Variants in CLEC9A observed in about 807,000 individuals in gnomAD.
CLEC9A encodes C-type lectin domain family 9 member A.
A neutral mutation model predicts 30.0 loss-of-function variants in CLEC9A; 24 were observed. That is an observed-to-expected ratio of 0.80 (90% CI 0.58 to 1.13). The LOEUF (loss-of-function observed/expected upper bound fraction) is 1.13, where lower values mean the gene tolerates loss of function less well. Among genes scored for constraint, CLEC9A ranks in the 50% most tolerant of loss-of-function variants. The pLI, the probability that CLEC9A is intolerant of heterozygous loss-of-function variation, is 0.00. For missense variants in CLEC9A, 251 were observed against 280.9 expected, an observed-to-expected ratio of 0.89 and a Z score of 0.76; for synonymous variants, 111 against 96.8, an observed-to-expected ratio of 1.15 and a Z score of -0.86.
Position 10,065,741 on chromosome 12 carries a change from C to T in CLEC9A, c.*109C>T. ...ACAGAACAGTAAACCAAAATGTGGG[C>T]CATGAAATTAGCAACCTGGGACTCA... On this transcript the variant is annotated 3_prime_UTR_variant, in exon 9 of 9. Coordinates refer to ENST00000355819, the MANE Select transcript of CLEC9A (RefSeq NM_207345.4). 8.0e-7 allele frequency: 1 copy of T among 1,246,284 alleles called. No individual in the cohort carries two copies. Among genetic ancestry groups the T allele is most frequent in the East Asian group, 2.4e-5 (1 of 40,992 alleles). 77.2% of individuals were successfully genotyped at this position (1,246,284 alleles called of 1,614,324 possible). A position where few individuals can be genotyped will look rare whatever the true frequency, so the allele number is the denominator to read the frequency against.
intron 5 of CLEC9A, among the ~76,000 whole-genome samples, chr12:10,057,066 T>G (rs1865950033): frequency 6.6e-6 from 1 of 152,044 alleles, no homozygotes; most frequent in Admixed American, 6.5e-5. Flanking sequence ...ACTTAAGGCT[T>G]TAAAAAAATA....
intron 2 of CLEC9A, chr12:10,045,352 C>G (rs1182071404): frequency 6.5e-6 from 1 of 153,534 alleles, no homozygotes. Context: ...AGCTACTCAA[C>G]AATGAGAAAC....
At chr12:10,040,697 G>A (rs561651170) in intron 1 of CLEC9A, among the ~76,000 whole-genome samples, 2 of 152,024 alleles carry the variant, frequency 1.3e-5, no homozygotes, top group Admixed American at 6.5e-5. Flanking sequence ...TGATCCGCCC[G>A]CCTCAGCCTC....
At chr12:10,059,848 A>G (rs1023429535) in intron 5 of CLEC9A, among the ~76,000 whole-genome samples, 4 of 152,234 alleles carry the variant, frequency 2.6e-5, no homozygotes. Context: ...AGAACTCTCT[A>G]GTTAGTAAAA....
chr12:10,034,513 C>G (rs1006323194), intron 1 of CLEC9A, among the ~76,000 whole-genome samples: 1 of 152,178 alleles, frequency 6.6e-6, no homozygotes, highest in Non-Finnish European at 1.5e-5. Context: ...TTGGTCTTTG[C>G]TTTCTATGTT....
chr12:10,065,695 C>G lies in CLEC9A; in HGVS notation c.*63C>G. The G allele has an allele frequency of 6.5e-7, 1 of 1,527,080 alleles. No individual in the cohort carries two copies. 94.6% of individuals were successfully genotyped at this position (1,527,080 alleles called of 1,614,324 possible). On this transcript the variant is annotated 3_prime_UTR_variant, in exon 9 of 9. Transcript: ENST00000355819. Reference sequence around the variant, plus strand: ...TTGGAGCATGCCATTGGAAAACCCACCCCCACCCCCCCTCAAAAAAACAGA... The same window carrying G: ...TTGGAGCATGCCATTGGAAAACCCAGCCCCACCCCCCCTCAAAAAAACAGA...
chr12:10,045,296 C>T (rs1439367101), intron 2 of CLEC9A, among the ~76,000 whole-genome samples: 1 of 152,186 alleles, frequency 6.6e-6, no homozygotes, highest in Non-Finnish European at 1.5e-5. Flanking sequence ...GAAACTGCTA[C>T]TGAGCTTTTC....
chr12:10,034,512 GCTTT>G (rs1427406788), intron 1 of CLEC9A, among the ~76,000 whole-genome samples: 2 of 152,134 alleles, frequency 1.3e-5, no homozygotes, highest in African/African-American at 2.4e-5. Flanking sequence ...ATTGGTCTTT[GCTTT>G]CTATGTTTCT....
At chr12:10,042,765 A>G (rs1404328082) in intron 2 of CLEC9A, among the ~76,000 whole-genome samples, 2 of 152,192 alleles carry the variant, frequency 1.3e-5, no homozygotes, top group African/African-American at 2.4e-5. Context: ...ACTAAAACAA[A>G]TTAATACTTC....
chr12:10,059,299 A>G (rs1360834663), intron 5 of CLEC9A, among the ~76,000 whole-genome samples: 1 of 152,208 alleles, frequency 6.6e-6, no homozygotes, highest in Non-Finnish European at 1.5e-5. Context: ...AAATCAATTG[A>G]AAGAAGGAGG....
intron 2 of CLEC9A, among the ~76,000 whole-genome samples, chr12:10,049,556 A>T (rs922620992): frequency 6.6e-6 from 1 of 152,232 alleles, no homozygotes; most frequent in African/African-American, 2.4e-5. Flanking sequence ...TTTCTAAATC[A>T]GTATTTGCCG....
chr12:10,063,073 G>T lies in CLEC9A; in HGVS notation c.338G>T (p.Cys113Phe). Residue 113 changes from cysteine (C) to phenylalanine (F), a missense_variant, in exon 7 of 9, where the codon TGT becomes TTT. Cys to Phe is a radical substitution (Grantham distance 205). Transcript: ENST00000355819. ...SLSSAHNSSP[C>F]PNNWIQNRES... ...TTCAAAGCCCATAACAGCAGTCCTT[G>T]TCCAAACAATTGGATTCAGAACAGA... 1 of 1,604,914 alleles carries T rather than the reference G, an allele frequency of 6.2e-7. No individual in the cohort carries two copies. Among genetic ancestry groups the T allele is most frequent in the East Asian group, 2.2e-5 (1 of 44,534 alleles).
chr12:10,047,301 GGAAAAGC>G (rs1865855223), intron 2 of CLEC9A, among the ~76,000 whole-genome samples: 2 of 152,258 alleles, frequency 1.3e-5, no homozygotes, highest in South Asian at 4.1e-4. Context: ...TCCCAAAAAT[GGAAAAGC>G]ATATGTTCAT....
intron 1 of CLEC9A, among the ~76,000 whole-genome samples, chr12:10,037,305 A>G (rs573783762): frequency 1.3e-5 from 2 of 152,352 alleles, no homozygotes; most frequent in South Asian, 4.1e-4. Context: ...CTTTCGAACT[A>G]CATTGCTTAT....
intron 3 of CLEC9A, 94 bp from the exon 4 acceptor site, chr12:10,052,536 A>G: frequency 7.5e-7 from 1 of 1,325,880 alleles, no homozygotes; most frequent in Non-Finnish European, 9.7e-7. Context: ...ATGAAGGTGC[A>G]TCTATTCTAC....
intron 4 of CLEC9A, 75 bp from the exon 5 acceptor site, chr12:10,054,196 T>C (rs773974412): frequency 2.2e-5 from 26 of 1,158,562 alleles, no homozygotes; most frequent in Non-Finnish European, 3.3e-5. Flanking sequence ...TTTTACTCAA[T>C]CTCAATCTAT....
chr12:10,061,143 C>G lies in CLEC9A; in HGVS notation c.189C>G (p.Thr63=). Residue 63 remains threonine (T), a synonymous_variant, in exon 6 of 9, where the codon ACC becomes ACG. Coordinates refer to ENST00000355819, the MANE Select transcript of CLEC9A (RefSeq NM_207345.4). ...FLGVKLLQVS[T]IAMQQQEKLI... Reference sequence around the variant, plus strand: ...CATGTGAAGTGTTGCAGGTGTCCACCATTGCGATGCAGCAGCAAGAAAAAC... The same window carrying G: ...CATGTGAAGTGTTGCAGGTGTCCACGATTGCGATGCAGCAGCAAGAAAAAC... The G allele has an allele frequency of 6.2e-7, 1 of 1,610,294 alleles. No individual in the cohort carries two copies. The highest frequency in any genetic ancestry group is 8.5e-7 in the Non-Finnish European group (1 of 1,178,752).
intron 5 of CLEC9A, among the ~76,000 whole-genome samples, chr12:10,057,347 T>C (rs1244064173): frequency 6.6e-6 from 1 of 151,858 alleles, no homozygotes; most frequent in Non-Finnish European, 1.5e-5. Flanking sequence ...TATACATATA[T>C]ATTTTTTAAA....
At chr12:10,043,144 C>A in intron 2 of CLEC9A, 1 of 338,202 alleles carries the variant, frequency 3.0e-6, no homozygotes, top group South Asian at 2.3e-5. Context: ...TATCATAAAG[C>A]TTTGTCTTTA....
Sources: allele counts gnomAD v4.1 joint callset (sites outside exome capture counted in the v4.1 genomes callset), GRCh38; gene constraint gnomAD v4.1.1; transcripts MANE v1.5; gene names NCBI Gene and HGNC (gene_info 2026-07-23, HGNC 2026-07-21).